BRINP3: variants seen among roughly 807,000 people sequenced by gnomAD.
The protein encoded by BRINP3 is BMP/retinoic acid inducible neural specific 3.
Under a neutral mutation model 71.0 loss-of-function variants are expected in BRINP3, and 19 were observed. The observed-to-expected ratio is 0.27, with a 90% confidence interval of 0.19 to 0.39. The LOEUF (loss-of-function observed/expected upper bound fraction) is 0.39, where lower values mean the gene tolerates loss of function less well. Ranked by LOEUF, BRINP3 falls within the 10% of genes least tolerant of loss-of-function variation. BRINP3 has a pLI of 1.00. For synonymous variants in BRINP3, 380 were observed against 337.7 expected, an observed-to-expected ratio of 1.13 and a Z score of -1.37; for missense variants, 959 against 940.8, an observed-to-expected ratio of 1.02 and a Z score of -0.25.
At chr1:190,366,495 T>C (rs1669510984) in intron 2 of BRINP3, among the ~76,000 whole-genome samples, 2 of 151,934 alleles carry the variant, frequency 1.3e-5, no homozygotes, top group South Asian at 4.1e-4. Context: ...ACAGCCAAAT[T>C]ATATCATTCC....
At chr1:190,129,745 T>A (rs1654380528) in intron 7 of BRINP3, among the ~76,000 whole-genome samples, 1 of 151,980 alleles carries the variant, frequency 6.6e-6, no homozygotes, top group Non-Finnish European at 1.5e-5. Context: ...GAAATGTGTA[T>A]ATCAATTCTA....
At chr1:190,279,942 TAACA>T (rs1229992338) in intron 3 of BRINP3, among the ~76,000 whole-genome samples, 1 of 151,950 alleles carries the variant, frequency 6.6e-6, no homozygotes, top group Non-Finnish European at 1.5e-5. Context: ...TTTATTCATT[TAACA>T]AACAGTTAAT....
intron 2 of BRINP3, among the ~76,000 whole-genome samples, chr1:190,354,790 A>G (rs890532873): frequency 3.8e-5 from 5 of 131,646 alleles, no homozygotes; most frequent in South Asian, 2.3e-4. Flanking sequence ...TTTTTTTCCT[A>G]TTTAAACTGT....
chr1:190,167,597 A>G (rs1651669163), intron 6 of BRINP3, among the ~76,000 whole-genome samples: 1 of 152,208 alleles, frequency 6.6e-6, no homozygotes, highest in African/African-American at 2.4e-5. Flanking sequence ...GTAGGGCTTC[A>G]AAACAAGCTT....
At chr1:190,282,252 T>A (rs1663097315) in intron 2 of BRINP3, among the ~76,000 whole-genome samples, 1 of 151,678 alleles carries the variant, frequency 6.6e-6, no homozygotes, top group African/African-American at 2.4e-5. Context: ...TTTCTTCTTT[T>A]TTTTTTTAAT....
chr1:190,204,334 G>A (rs906488048), intron 6 of BRINP3, among the ~76,000 whole-genome samples: 2 of 151,562 alleles, frequency 1.3e-5, no homozygotes, highest in East Asian at 1.9e-4. Flanking sequence ...ATAGAAAAAC[G>A]CAGAAATATT....
chr1:190,456,373 A>T (rs2102636922), intron 1 of BRINP3, among the ~76,000 whole-genome samples: 1 of 152,326 alleles, frequency 6.6e-6, no homozygotes, highest in South Asian at 2.1e-4. Context: ...ATTAAAGCGT[A>T]CCGTCTTTTG....
intron 1 of BRINP3, chr1:190,474,355 C>T (rs933871432): frequency 2.6e-5 from 4 of 152,580 alleles, no homozygotes; most frequent in Non-Finnish European, 4.4e-5. Context: ...AAAAACATCA[C>T]GATAGTAAAA....
chr1:190,305,485 T>C (rs192991281), intron 2 of BRINP3, among the ~76,000 whole-genome samples: 34 of 151,902 alleles, frequency 2.2e-4, no homozygotes, highest in African/African-American at 8.2e-4. Flanking sequence ...TTAAGTGAGC[T>C]ATGCCAGGCA....
intron 7 of BRINP3, among the ~76,000 whole-genome samples, chr1:190,120,579 TCCGCCTC>T (rs1434377659): frequency 6.6e-6 from 1 of 152,034 alleles, no homozygotes; most frequent in African/African-American, 2.4e-5. Flanking sequence ...CACTGCCACC[TCCGCCTC>T]CCGGGTTCAA....
intron 4 of BRINP3, among the ~76,000 whole-genome samples, chr1:190,241,350 G>A (rs1659074573): frequency 6.6e-6 from 1 of 152,030 alleles, no homozygotes; most frequent in Admixed American, 6.6e-5. Flanking sequence ...CTAGAACTGG[G>A]ACTTAGACCT....
chr1:190,465,801 AT>A (rs1365590732), intron 1 of BRINP3, among the ~76,000 whole-genome samples: 1 of 151,824 alleles, frequency 6.6e-6, no homozygotes, highest in South Asian at 2.1e-4. Flanking sequence ...ATTATGAATA[AT>A]TTTTTTATTA....
At chr1:190,393,669 C>T (rs1049524095) in intron 2 of BRINP3, among the ~76,000 whole-genome samples, 1 of 151,456 alleles carries the variant, frequency 6.6e-6, no homozygotes, top group Middle Eastern at 3.2e-3. Context: ...AAAAGAGAAA[C>T]TCAAAATATA....
At chr1:190,122,139 TTC>T (rs766411805) in intron 7 of BRINP3, among the ~76,000 whole-genome samples, 5 of 152,174 alleles carry the variant, frequency 3.3e-5, no homozygotes, top group Non-Finnish European at 7.3e-5. Context: ...TATTGAATCC[TTC>T]TCTCTTTTTA....
At chr1:190,332,330 T>C (rs558521276) in intron 2 of BRINP3, among the ~76,000 whole-genome samples, 1 of 152,160 alleles carries the variant, frequency 6.6e-6, no homozygotes, top group South Asian at 2.1e-4. Context: ...TCAAGAAAAC[T>C]TGAGGGCTGT....
intron 2 of BRINP3, among the ~76,000 whole-genome samples, chr1:190,370,585 T>C (rs2102186471): frequency 6.6e-6 from 1 of 152,290 alleles, no homozygotes; most frequent in East Asian, 1.9e-4. Flanking sequence ...AAATCAAAAT[T>C]GTATTTAAAA....
At chr1:190,433,725 T>C (rs937650452) in intron 2 of BRINP3, among the ~76,000 whole-genome samples, 21 of 152,328 alleles carry the variant, frequency 1.4e-4, no homozygotes, top group African/African-American at 5.1e-4. Context: ...ACCTGCAATT[T>C]TCTGAAAAGT....
intron 7 of BRINP3, among the ~76,000 whole-genome samples, chr1:190,134,550 AC>A (rs1327606854): frequency 6.6e-6 from 1 of 152,120 alleles, no homozygotes; most frequent in Non-Finnish European, 1.5e-5. Flanking sequence ...CTATAGTTAT[AC>A]TTTTAGGAAG....
chr1:190,344,464 GC>G (rs1364582738), intron 2 of BRINP3, among the ~76,000 whole-genome samples: 5 of 122,724 alleles, frequency 4.1e-5, no homozygotes, highest in Admixed American at 2.6e-4. Context: ...ACTTTTCAGT[GC>G]AAACATAAGT....
Sources: allele counts gnomAD v4.1 joint callset (sites outside exome capture counted in the v4.1 genomes callset), GRCh38; gene constraint gnomAD v4.1.1; transcripts MANE v1.5; gene names NCBI Gene and HGNC (gene_info 2026-07-23, HGNC 2026-07-21).